KCNB2: variants seen among roughly 807,000 people sequenced by gnomAD.
KCNB2 encodes the protein potassium voltage-gated channel subfamily B member 2.
In KCNB2, 15 loss-of-function variants were observed where a neutral mutation model predicts 61.5. That is an observed-to-expected ratio of 0.24 (90% CI 0.16 to 0.38). The LOEUF (loss-of-function observed/expected upper bound fraction) is 0.38, where lower values mean the gene tolerates loss of function less well. Ranked by LOEUF, KCNB2 falls within the 10% of genes least tolerant of loss-of-function variation. The pLI is 1.00. For synonymous variants in KCNB2, 457 were observed against 446.0 expected, an observed-to-expected ratio of 1.02 and a Z score of -0.31; for missense variants, 828 against 1,125.2, an observed-to-expected ratio of 0.74 and a Z score of 3.78.
intron 2 of KCNB2, among the ~76,000 whole-genome samples, chr8:72,650,924 C>T (rs1427983854): frequency 6.6e-6 from 1 of 152,070 alleles, no homozygotes; most frequent in Non-Finnish European, 1.5e-5. Flanking sequence ...TATATGGCAG[C>T]CAAGATTTAT....
chr8:72,633,738 T>C (rs922745184), intron 2 of KCNB2, among the ~76,000 whole-genome samples: 2 of 152,180 alleles, frequency 1.3e-5, no homozygotes, highest in African/African-American at 4.8e-5. Context: ...CACCATGTTA[T>C]TCCCATGCAA....
rs192009565 is a variant in KCNB2 at position 72,598,861 on chromosome 8, A to C, written c.579+30548A>C. ...TCCCATTCACAATTGCTTCAAAGAG[A>C]ATACAATACCTAGGAATCCAACTTA... On this transcript the variant is annotated intron_variant, in intron 2 of 2. Coordinates refer to ENST00000523207, the MANE Select transcript of KCNB2 (RefSeq NM_004770.3). Among the ~76,000 whole-genome samples the C allele has an allele frequency of 7.6e-4, 115 of 152,308 alleles. 2 individuals carry two copies. The East Asian group carries it at 0.02, about 26-fold the overall frequency.
At chr8:72,717,828 T>C (rs1325132311) in intron 2 of KCNB2, among the ~76,000 whole-genome samples, 1 of 152,150 alleles carries the variant, frequency 6.6e-6, no homozygotes, top group Non-Finnish European at 1.5e-5. Context: ...CTAATTAAAC[T>C]GAAGAGTTTC....
intron 2 of KCNB2, 96 bp downstream of exon 2, chr8:72,568,409 A>G (rs1408573162): frequency 2.9e-6 from 3 of 1,049,906 alleles, no homozygotes; most frequent in Non-Finnish European, 4.2e-6. Flanking sequence ...TTGGTAACAC[A>G]GAACAAAGTG....
At chr8:72,539,495 G>A (rs1563517225) in intron 1 of KCNB2, among the ~76,000 whole-genome samples, 1 of 152,062 alleles carries the variant, frequency 6.6e-6, no homozygotes, top group Non-Finnish European at 1.5e-5. Context: ...TTCCTTTTCT[G>A]GCACTACTCA....
At chr8:72,914,507 T>C (rs1806356678) in intron 2 of KCNB2, among the ~76,000 whole-genome samples, 1 of 152,204 alleles carries the variant, frequency 6.6e-6, no homozygotes. Context: ...AGTTGGGTTG[T>C]TTGAATGCAA....
At chr8:72,753,017 A>G (rs1297187288) in intron 2 of KCNB2, among the ~76,000 whole-genome samples, 1 of 152,224 alleles carries the variant, frequency 6.6e-6, no homozygotes, top group East Asian at 1.9e-4. Context: ...ATGAATCAAA[A>G]TGTTAAGCAC....
At chr8:72,554,142 T>G (rs1467129042) in intron 1 of KCNB2, among the ~76,000 whole-genome samples, 1 of 152,110 alleles carries the variant, frequency 6.6e-6, no homozygotes, top group Non-Finnish European at 1.5e-5. Context: ...TATCTGGGCC[T>G]ACAAAACGCA....
chr8:72,935,287 C>T (rs150947675), intron 2 of KCNB2, among the ~76,000 whole-genome samples: 294 of 152,280 alleles, frequency 1.9e-3, no homozygotes, highest in African/African-American at 5.8e-3. Flanking sequence ...TCTTCAAACT[C>T]TTCTTTATGA....
At chr8:72,637,259 G>A (rs16938270) in intron 2 of KCNB2, among the ~76,000 whole-genome samples, 4,241 of 152,214 alleles carry the variant, frequency 0.028, 75 homozygotes, top group South Asian at 0.073. Context: ...AGACCACAAA[G>A]AACAGTTCTA....
intron 2 of KCNB2, among the ~76,000 whole-genome samples, chr8:72,895,264 G>C (rs950218288): frequency 1.3e-5 from 2 of 152,178 alleles, no homozygotes; most frequent in Admixed American, 1.3e-4. Flanking sequence ...GATTATCCTG[G>C]ATTATCCAGG....
chr8:72,776,425 C>G (rs947400048), intron 2 of KCNB2, among the ~76,000 whole-genome samples: 12 of 152,160 alleles, frequency 7.9e-5, no homozygotes, highest in Non-Finnish European at 1.3e-4. Flanking sequence ...TTGATTATTT[C>G]CTGTGTTTTT....
chr8:72,668,646 G>A (rs1182726729), intron 2 of KCNB2, among the ~76,000 whole-genome samples: 2 of 152,142 alleles, frequency 1.3e-5, no homozygotes, highest in Admixed American at 6.6e-5. Flanking sequence ...CCTCTCCAAA[G>A]AGGCCATTTC....
chr8:72,893,297 A>AT (rs1178647207), intron 2 of KCNB2, among the ~76,000 whole-genome samples: 1 of 152,036 alleles, frequency 6.6e-6, no homozygotes, highest in Non-Finnish European at 1.5e-5. Context: ...TAAATTTATT[A>AT]TTTTTTATTT....
intron 2 of KCNB2, among the ~76,000 whole-genome samples, chr8:72,882,057 G>A (rs1161127616): frequency 6.6e-6 from 1 of 151,814 alleles, no homozygotes; most frequent in Non-Finnish European, 1.5e-5. Context: ...TTTTTCTTCT[G>A]ATTCTGCAAT....
intron 2 of KCNB2, chr8:72,619,033 C>T (rs563694242): frequency 2.0e-5 from 6 of 306,834 alleles, no homozygotes; most frequent in Admixed American, 1.3e-4. Context: ...AGATGACCGT[C>T]GACTTTGACC....
At chr8:72,817,987 A>G (rs1809430671) in intron 2 of KCNB2, among the ~76,000 whole-genome samples, 1 of 152,142 alleles carries the variant, frequency 6.6e-6, no homozygotes, top group Non-Finnish European at 1.5e-5. Context: ...GTTGGGGAGG[A>G]AGGATTAGCT....
At chr8:72,867,468 G>A (rs1410388989) in intron 2 of KCNB2, among the ~76,000 whole-genome samples, 1 of 152,016 alleles carries the variant, frequency 6.6e-6, no homozygotes, top group Admixed American at 6.6e-5. Flanking sequence ...GACAACAAAG[G>A]GAGACCCTTT....
In KCNB2 at chr8:72,703,847, G is replaced by A. The variant is rs764028939; in HGVS notation, c.579+135534G>A. Among the ~76,000 whole-genome samples, 83 of 152,312 alleles carry A rather than the reference G, an allele frequency of 5.4e-4. 2 individuals carry two copies. Among genetic ancestry groups the A allele is most frequent in the South Asian group, 4.2e-4 (2 of 4,814 alleles). On this transcript the variant is annotated intron_variant, in intron 2 of 2. Coordinates refer to ENST00000523207, the MANE Select transcript of KCNB2 (RefSeq NM_004770.3). ...AAAACGATGTGTGATTAGGAAGGAAGCACTGGACTGAAGGATATGTCATTC... is the reference window on the plus strand; with the variant it reads ...AAAACGATGTGTGATTAGGAAGGAAACACTGGACTGAAGGATATGTCATTC...
Sources: gnomAD v4.1 joint callset for allele counts (sites outside exome capture counted in the v4.1 genomes callset) on GRCh38, gnomAD v4.1.1 for gene constraint, MANE v1.5 for transcripts, NCBI Gene and HGNC (gene_info 2026-07-23, HGNC 2026-07-21) for gene names.